The following FAM47E variants were observed in gnomAD, a reference collection of about 807,000 sequenced individuals.
The protein encoded by FAM47E is protein FAM47E.
FAM47E carries 32 observed loss-of-function variants against 41.6 expected under a neutral mutation model. That is an observed-to-expected ratio of 0.77 (90% CI 0.58 to 1.03). The LOEUF (loss-of-function observed/expected upper bound fraction) is 1.03, where lower values mean the gene tolerates loss of function less well. Among genes scored for constraint, FAM47E ranks in the 50% least tolerant of loss-of-function variants. FAM47E has a pLI of 0.00. For missense variants in FAM47E, 424 were observed against 485.4 expected (o/e 0.87, Z 1.19); for synonymous variants, 184 against 188.7 (o/e 0.98, Z 0.20).
chr4:76,248,987 T>C (rs1443197695), upstream of FAM47E, among the ~76,000 whole-genome samples: 1 of 152,124 alleles, frequency 6.6e-6, no homozygotes, highest in East Asian at 1.9e-4. Context: ...CAAACACTAT[T>C]ATATATTCCA....
chr4:76,250,931 AC>A (rs1441851075), upstream of FAM47E, among the ~76,000 whole-genome samples: 1 of 152,028 alleles, frequency 6.6e-6, no homozygotes, highest in Non-Finnish European at 1.5e-5. Flanking sequence ...ATCCCCAATA[AC>A]CCTACAGGTA....
In FAM47E at chr4:76,256,490, C is replaced by G. The variant is rs1578777712; in HGVS notation, c.387C>G (p.Leu129=). 1 of 1,550,916 alleles carries G rather than the reference C, an allele frequency of 6.4e-7. No homozygotes were observed. The highest frequency in any genetic ancestry group is 2.4e-5 in the East Asian group (1 of 40,902). Residue 129 remains leucine (L), a synonymous_variant, in exon 2 of 8, where the codon CTC becomes CTG. Transcript: ENST00000424749. ...EAHLTPHPLA[L]YLNLEEAMPI... ...ACCTGACCCCACATCCCTTAGCGCTCTACCTGAATCTGGAAGAAGCTATGC... is the reference window on the plus strand; with the variant it reads ...ACCTGACCCCACATCCCTTAGCGCTGTACCTGAATCTGGAAGAAGCTATGC...
At chr4:76,240,436 T>C (rs1733683655) in intron 2 of FAM47E, among the ~76,000 whole-genome samples, 1 of 152,210 alleles carries the variant, frequency 6.6e-6, no homozygotes, top group Admixed American at 6.5e-5. Flanking sequence ...ATGTCTTTCA[T>C]TAAATTTGGC....
intron 2 of FAM47E, among the ~76,000 whole-genome samples, chr4:76,222,351 C>G (rs1403653577): frequency 6.6e-6 from 1 of 152,120 alleles, no homozygotes; most frequent in Non-Finnish European, 1.5e-5. Flanking sequence ...CTTGGCCTCC[C>G]CAGTAGCTGG....
At chr4:76,272,978 G>A (rs955797336) in intron 5 of FAM47E, among the ~76,000 whole-genome samples, 9 of 152,148 alleles carry the variant, frequency 5.9e-5, no homozygotes, top group Non-Finnish European at 8.8e-5. Flanking sequence ...GCTTTTGTAT[G>A]TCTGAAGACA....
chr4:76,259,877 G>A (rs1734336468), intron 2 of FAM47E, among the ~76,000 whole-genome samples: 1 of 152,150 alleles, frequency 6.6e-6, no homozygotes, highest in African/African-American at 2.4e-5. Context: ...TTCAGAATAT[G>A]AAATTAATGT....
chr4:76,283,151 T>A (rs1735428264), intron 7 of FAM47E: 1 of 357,882 alleles, frequency 2.8e-6, no homozygotes, highest in Non-Finnish European at 5.2e-6. Flanking sequence ...TGGGCCAGAC[T>A]TGGGCACAGA....
At chr4:76,223,437 T>C (rs1733343375) in intron 2 of FAM47E, among the ~76,000 whole-genome samples, 1 of 152,296 alleles carries the variant, frequency 6.6e-6, no homozygotes, top group East Asian at 1.9e-4. Flanking sequence ...CTGGGTACTG[T>C]GAGAAGACAG....
chr4:76,229,069 T>C (rs947126688), intron 2 of FAM47E, among the ~76,000 whole-genome samples: 1 of 152,174 alleles, frequency 6.6e-6, no homozygotes, highest in Non-Finnish European at 1.5e-5. Context: ...ATTGGGTTAA[T>C]TCAAAAGCCT....
upstream of FAM47E, among the ~76,000 whole-genome samples, chr4:76,247,910 CTTT>C (rs753751295): frequency 0.091 from 7,840 of 86,396 alleles, 142 homozygotes; most frequent in Middle Eastern, 0.18. Context: ...CACTCTCTCT[CTTT>C]TTTTTTTTTT....
intron 1 of FAM47E, among the ~76,000 whole-genome samples, chr4:76,252,916 C>G (rs911806527): frequency 3.9e-5 from 6 of 152,146 alleles, no homozygotes; most frequent in South Asian, 4.1e-4. Context: ...ATTTTATCAG[C>G]TCTTACTTGC....
At chr4:76,231,061 T>C (rs1733484907) in intron 2 of FAM47E, among the ~76,000 whole-genome samples, 1 of 152,104 alleles carries the variant, frequency 6.6e-6, no homozygotes, top group African/African-American at 2.4e-5. Flanking sequence ...GGGAGTTGCA[T>C]GGACTCCCTA....
intron 2 of FAM47E, among the ~76,000 whole-genome samples, chr4:76,218,357 A>T (rs7685696): frequency 6.6e-6 from 1 of 152,176 alleles, no homozygotes; most frequent in South Asian, 2.1e-4. Flanking sequence ...CCATCATTCC[A>T]AAGTTCTTAC....
At chr4:76,250,406 T>C (rs149881128), upstream of FAM47E, among the ~76,000 whole-genome samples, 2,181 of 152,304 alleles carry the variant, frequency 0.014, 42 homozygotes, top group African/African-American at 0.04. Context: ...TTGATGGGAT[T>C]GCTTGTTTTT....
chr4:76,250,965 T>G (rs1201938649), upstream of FAM47E, among the ~76,000 whole-genome samples: 1 of 152,156 alleles, frequency 6.6e-6, no homozygotes. Flanking sequence ...TTCCCCATTT[T>G]CAGGCCAGGT....
At chr4:76,232,781 A>C (rs1360539056) in intron 2 of FAM47E, among the ~76,000 whole-genome samples, 1 of 152,164 alleles carries the variant, frequency 6.6e-6, no homozygotes, top group Non-Finnish European at 1.5e-5. Context: ...ACAATTATGA[A>C]ACTTAAGTTT....
chr4:76,272,781 A>G (rs1407086315), intron 5 of FAM47E, among the ~76,000 whole-genome samples: 1 of 152,224 alleles, frequency 6.6e-6, no homozygotes, highest in East Asian at 1.9e-4. Flanking sequence ...GTATTTAGAA[A>G]TAGTTATGCA....
At position 76,241,441 on chromosome 4, in the gene FAM47E, C is replaced by T. The variant is rs1027138018; in HGVS notation, c.82-22263C>T. ...GTAAAGCAACAATCAGCAATCAGAG[C>T]CCTAATATTTGGAGGACAGTTTTTT... On this transcript the variant is annotated intron_variant, in intron 2 of 7. Transcript: ENST00000510197. 3.9e-5 allele frequency among the ~76,000 whole-genome samples: 6 copies of T among 152,160 alleles called. No individual in the cohort carries two copies. In the East Asian group the frequency reaches 9.6e-4, roughly 24 times the overall value.
In FAM47E at chr4:76,232,683, C is replaced by T. The variant is rs143052491; in HGVS notation, c.81+14995C>T. 9.9e-4 allele frequency among the ~76,000 whole-genome samples: 150 copies of T among 152,146 alleles called. No individual in the cohort carries two copies. The Middle Eastern group carries it at 0.027, about 28-fold the overall frequency. The stretch of plus-strand genomic sequence containing the variant: ...ACATCATTATGACAATTTCATTTAC[C>T]TAGACATGTCAAATCATCTCGTTTG... On this transcript the variant is annotated intron_variant, in intron 2 of 7. Coordinates refer to the FAM47E transcript ENST00000510197.
Sources: allele counts gnomAD v4.1 joint callset (sites outside exome capture counted in the v4.1 genomes callset), GRCh38; gene constraint gnomAD v4.1.1; transcripts MANE v1.5; gene names NCBI Gene and HGNC (gene_info 2026-07-23, HGNC 2026-07-21).